Variants in THRB observed in about 807,000 individuals in gnomAD.
THRB encodes thyroid hormone receptor beta, also known as nuclear receptor subfamily 1 group A member 2.
In THRB, 12 loss-of-function variants were observed where a neutral mutation model predicts 47.8. That is an observed-to-expected ratio of 0.25 (90% confidence interval 0.16 to 0.41). The LOEUF is 0.41. THRB is among the 10% of genes least tolerant of loss of function. The pLI is 1.00. For missense variants in THRB, 348 were observed against 589.2 expected (o/e 0.59, Z 4.24); for synonymous variants, 218 against 212.2 (o/e 1.03, Z -0.24).
intron 4 of THRB, among the ~76,000 whole-genome samples, chr3:24,203,775 G>C (rs2044898679): frequency 1.3e-5 from 2 of 152,242 alleles, no homozygotes; most frequent in South Asian, 2.1e-4. Flanking sequence ...AGCTGTGACA[G>C]ACGGCACCTG....
At chr3:24,212,696 T>C (rs2046183663) in intron 4 of THRB, among the ~76,000 whole-genome samples, 1 of 152,092 alleles carries the variant, frequency 6.6e-6, no homozygotes, top group African/African-American at 2.4e-5. Flanking sequence ...CCCGCTATTA[T>C]GCTGACACAG....
chr3:24,348,102 C>A (rs539122650), intron 1 of THRB, among the ~76,000 whole-genome samples: 2 of 152,002 alleles, frequency 1.3e-5, no homozygotes, highest in Admixed American at 1.3e-4. Flanking sequence ...GTTAGCAGAC[C>A]GAATCCTGAG....
At chr3:24,187,702 G>A (rs954930973) in intron 5 of THRB, among the ~76,000 whole-genome samples, 1 of 152,168 alleles carries the variant, frequency 6.6e-6, no homozygotes, top group Non-Finnish European at 1.5e-5. Context: ...TGCCCAACAT[G>A]GATGAACATC....
intron 3 of THRB, among the ~76,000 whole-genome samples, chr3:24,231,744 G>A (rs1417607618): frequency 6.6e-6 from 1 of 152,170 alleles, no homozygotes; most frequent in Non-Finnish European, 1.5e-5. Flanking sequence ...TACATGGTGG[G>A]TGTTGGTAAA....
intron 8 of THRB, among the ~76,000 whole-genome samples, chr3:24,139,876 G>A (rs1481379793): frequency 6.6e-6 from 1 of 152,082 alleles, no homozygotes; most frequent in African/African-American, 2.4e-5. Context: ...AACATGATAG[G>A]CCTCCTCAAA....
At chr3:24,230,195 T>A (rs2048111613) in intron 3 of THRB, among the ~76,000 whole-genome samples, 1 of 152,346 alleles carries the variant, frequency 6.6e-6, no homozygotes, top group Non-Finnish European at 1.5e-5. Context: ...CATCTAATGC[T>A]GCAGCAATGA....
At chr3:24,241,291 C>T (rs755276343) in intron 3 of THRB, among the ~76,000 whole-genome samples, 19 of 152,172 alleles carry the variant, frequency 1.2e-4, no homozygotes, top group African/African-American at 2.4e-4. Context: ...CTTTGCTCAC[C>T]GTCTCCAGGC....
intron 1 of THRB, among the ~76,000 whole-genome samples, chr3:24,463,926 T>G (rs1442762005): frequency 1.3e-5 from 2 of 152,156 alleles, no homozygotes; most frequent in East Asian, 3.9e-4. Context: ...TTATCGACAC[T>G]TTGAAAATGC....
intron 3 of THRB, among the ~76,000 whole-genome samples, chr3:24,277,511 T>C (rs546676814): frequency 2.5e-4 from 38 of 152,260 alleles, no homozygotes; most frequent in African/African-American, 9.1e-4. Flanking sequence ...CTCTAACAAG[T>C]TCCCCGGTGA....
chr3:24,377,950 T>C (rs2065416522), intron 1 of THRB, among the ~76,000 whole-genome samples: 1 of 152,184 alleles, frequency 6.6e-6, no homozygotes, highest in African/African-American at 2.4e-5. Flanking sequence ...AAATGAGAGA[T>C]ACAGGAATCC....
At chr3:24,279,564 T>TTC (rs1317219772) in intron 3 of THRB, among the ~76,000 whole-genome samples, 3 of 149,876 alleles carry the variant, frequency 2.0e-5, no homozygotes, top group Non-Finnish European at 4.5e-5. Context: ...TTTTTGTATT[T>TTC]TTTTTTTTTT....
intron 1 of THRB, among the ~76,000 whole-genome samples, chr3:24,343,266 T>G (rs1002950583): frequency 1.3e-5 from 2 of 152,146 alleles, no homozygotes; most frequent in Non-Finnish European, 2.9e-5. Context: ...TGGATTTCAG[T>G]GGAGTCTATG....
At chr3:24,410,460 T>C (rs920929904) in intron 1 of THRB, among the ~76,000 whole-genome samples, 1 of 151,986 alleles carries the variant, frequency 6.6e-6, no homozygotes, top group Non-Finnish European at 1.5e-5. Context: ...GGCTACATTT[T>C]GTATAACACA....
chr3:24,323,903 A>C (rs2058646704), intron 2 of THRB, among the ~76,000 whole-genome samples: 1 of 152,242 alleles, frequency 6.6e-6, no homozygotes, highest in Admixed American at 6.5e-5. Context: ...AAATGTTTGA[A>C]ATGATTATGT....
intron 3 of THRB, among the ~76,000 whole-genome samples, chr3:24,288,513 T>A (rs1204320489): frequency 6.6e-6 from 1 of 152,198 alleles, no homozygotes; most frequent in Non-Finnish European, 1.5e-5. Flanking sequence ...TGGCTGAGGC[T>A]GTCCTCCATT....
intron 1 of THRB, among the ~76,000 whole-genome samples, chr3:24,355,012 A>G (rs1019561977): frequency 5.9e-5 from 9 of 152,152 alleles, no homozygotes; most frequent in African/African-American, 2.2e-4. Context: ...GTCTCAAGGT[A>G]TTTAATTTCA....
At chr3:24,465,738 G>A (rs1380529991) in intron 1 of THRB, among the ~76,000 whole-genome samples, 1 of 151,940 alleles carries the variant, frequency 6.6e-6, no homozygotes, top group African/African-American at 2.4e-5. Context: ...TCTAAGTCCT[G>A]GCTGTATGCT....
intron 5 of THRB, among the ~76,000 whole-genome samples, chr3:24,186,718 G>GC (rs1202386280): frequency 5.9e-5 from 9 of 152,052 alleles, no homozygotes; most frequent in Admixed American, 5.9e-4. Flanking sequence ...GGCTGAGGTG[G>GC]GTGGATCACC....
chr3:24,306,075 T>A (rs1292160915), intron 2 of THRB, among the ~76,000 whole-genome samples: 1 of 152,212 alleles, frequency 6.6e-6, no homozygotes, highest in Non-Finnish European at 1.5e-5. Flanking sequence ...TTGTTGTTGC[T>A]TTACCTCAGA....
Sources: gnomAD v4.1 joint callset for allele counts (sites outside exome capture counted in the v4.1 genomes callset) on GRCh38, gnomAD v4.1.1 for gene constraint, MANE v1.5 for transcripts, NCBI Gene and HGNC (gene_info 2026-07-23, HGNC 2026-07-21) for gene names.